Variants in ADAM32 observed in about 807,000 individuals in gnomAD.
ADAM32 encodes the protein disintegrin and metalloproteinase domain-containing protein 32.
ADAM32 carries 89 observed loss-of-function variants against 114.9 expected under a neutral mutation model. The observed-to-expected ratio is 0.77, with a 90% CI of 0.65 to 0.92. ADAM32 has a LOEUF of 0.92. Ranked by LOEUF, ADAM32 falls within the 40% of genes least tolerant of loss-of-function variation. The probability of loss-of-function intolerance (pLI) is 0.00; values close to 1 mark genes in which losing one functional copy is unlikely to be tolerated. For missense variants in ADAM32, 870 were observed against 932.8 expected (o/e 0.93, Z 0.88); for synonymous variants, 285 against 307.5 (o/e 0.93, Z 0.77).
intron 6 of ADAM32, among the ~76,000 whole-genome samples, chr8:39,156,531 C>A (rs1366493939): frequency 6.6e-6 from 1 of 152,124 alleles, no homozygotes; most frequent in Non-Finnish European, 1.5e-5. Context: ...GTTTTGTGTG[C>A]TTTCATTTTA....
chr8:39,137,545 C>A (rs1346131355), intron 3 of ADAM32, among the ~76,000 whole-genome samples: 3 of 151,990 alleles, frequency 2.0e-5, no homozygotes, highest in African/African-American at 7.2e-5. Flanking sequence ...GCAGGTGGAT[C>A]AAACTCCTGA....
At chr8:39,246,061 T>C in intron 16 of ADAM32, 22 bp from the exon 17 acceptor site, 1 of 1,606,212 alleles carries the variant, frequency 6.2e-7, no homozygotes, top group Non-Finnish European at 8.5e-7. Flanking sequence ...TGGGAACTTT[T>C]TTTGTATGTG....
At chr8:39,129,126 T>TTTTTTTTTTTTTTC (rs1802287840) in intron 2 of ADAM32, among the ~76,000 whole-genome samples, 1 of 6,842 alleles carries the variant, frequency 1.5e-4, no homozygotes. Context: ...TTTTTTTGTC[T>TTTTTTTTTTTTTTC]TTTTTTTTTT....
intron 22 of ADAM32, chr8:39,276,116 C>T (rs921561261): frequency 2.7e-5 from 10 of 376,216 alleles, no homozygotes; most frequent in Non-Finnish European, 4.3e-5. Context: ...CAAAGGAAAA[C>T]ATTTTTGGTG....
chr8:39,284,740 A>G, intron 24 of ADAM32, 53 bp from the exon 25 acceptor site: 2 of 1,605,892 alleles, frequency 1.2e-6, no homozygotes, highest in East Asian at 4.5e-5. Flanking sequence ...GTACAGTGGG[A>G]GGGAATTTGC....
At chr8:39,266,396 G>T (rs2129451121) in intron 19 of ADAM32, among the ~76,000 whole-genome samples, 1 of 152,232 alleles carries the variant, frequency 6.6e-6, no homozygotes, top group East Asian at 1.9e-4. Flanking sequence ...TGCCTGTGTT[G>T]TTTCAAAGAA....
chr8:39,248,676 T>A (rs188442455), intron 17 of ADAM32, among the ~76,000 whole-genome samples: 94 of 152,264 alleles, frequency 6.2e-4, no homozygotes, highest in East Asian at 3.5e-3. Context: ...ATACTTTTTT[T>A]ATTATTTTAT....
intron 9 of ADAM32, chr8:39,165,747 T>C (rs1345903438): frequency 6.6e-6 from 1 of 152,170 alleles, no homozygotes; most frequent in African/African-American, 2.4e-5. Flanking sequence ...CATGTCTATA[T>C]ATGTATTTAA....
At position 39,211,333 on chromosome 8, in the gene ADAM32, G is replaced by A. The variant is rs755093234; in HGVS notation, c.1233+9G>A. On this transcript the variant is annotated intron_variant, in intron 12 of 24. Transcript: ENST00000379907. The stretch of plus-strand genomic sequence containing the variant: ...ATTGTGGTACTGAGGCTGTAAGTAT[G>A]ATAACTAGGAAAATTGATTAATAAA... The A allele has an allele frequency of 2.0e-5, 29 of 1,462,764 alleles. No individual in the cohort carries two copies. In the South Asian group the frequency reaches 4.0e-4, roughly 20 times the overall value. 90.6% of individuals were successfully genotyped at this position (1,462,764 alleles called of 1,614,324 possible).
Position 39,161,615 on chromosome 8 carries a change from A to C in ADAM32, c.594+650A>C, listed in dbSNP as rs995068473. On this transcript the variant is annotated intron_variant, in intron 7 of 24. Transcript: ENST00000379907. ...AATAGAGATTAAAAATATACTTTCT[A>C]GGTTTTATTCTGATGATAAGCCTTT... 4.6e-5 allele frequency among the ~76,000 whole-genome samples: 7 copies of C among 152,328 alleles called. No individual in the cohort carries two copies. In the East Asian group the frequency reaches 1.3e-3, roughly 29 times the overall value.
chr8:39,247,984 G>C (rs1811038891), intron 17 of ADAM32, among the ~76,000 whole-genome samples: 1 of 151,928 alleles, frequency 6.6e-6, no homozygotes, highest in Non-Finnish European at 1.5e-5. Flanking sequence ...TCCTTTGTCA[G>C]AGATCAGTTG....
chr8:39,283,385 T>C (rs1813554517), intron 23 of ADAM32, among the ~76,000 whole-genome samples: 1 of 132,584 alleles, frequency 7.5e-6, no homozygotes, highest in Non-Finnish European at 1.5e-5. Context: ...CCCTCTAACC[T>C]GAGTGGCAAA....
At chr8:39,172,478 C>T (rs1805261039) in intron 10 of ADAM32, among the ~76,000 whole-genome samples, 1 of 152,124 alleles carries the variant, frequency 6.6e-6, no homozygotes, top group Non-Finnish European at 1.5e-5. Flanking sequence ...CTGGTGCTCT[C>T]CCTTCCCTGG....
At chr8:39,152,621 G>A (rs752422865) in intron 6 of ADAM32, among the ~76,000 whole-genome samples, 5 of 151,756 alleles carry the variant, frequency 3.3e-5, no homozygotes, top group South Asian at 2.1e-4. Flanking sequence ...ACTCGGGAGC[G>A]GAGGCTGAAG....
At chr8:39,165,365 T>C in intron 9 of ADAM32, 169 bp downstream of exon 9, 1 of 523,392 alleles carries the variant, frequency 1.9e-6, no homozygotes, top group Non-Finnish European at 3.2e-6. Context: ...AATAAAAAAC[T>C]TTACTAACAT....
chr8:39,118,298 G>T (rs981305583), intron 2 of ADAM32, 133 bp downstream of exon 2: 4 of 473,190 alleles, frequency 8.5e-6, no homozygotes, highest in African/African-American at 6.1e-5. Flanking sequence ...GGAATTAAAA[G>T]CTTTGATGGT....
At chr8:39,270,991 A>G (rs987850017) in intron 20 of ADAM32, 77 bp downstream of exon 20, 12 of 1,337,706 alleles carry the variant, frequency 9.0e-6, no homozygotes, top group African/African-American at 1.5e-5. Context: ...TTTATTTCCA[A>G]TTTTTTTTTG....
At chr8:39,258,011 A>AATACACGTGG (rs1359502987) in intron 19 of ADAM32, among the ~76,000 whole-genome samples, 1 of 152,048 alleles carries the variant, frequency 6.6e-6, no homozygotes, top group Non-Finnish European at 1.5e-5. Flanking sequence ...ACATGTTTTT[A>AATACACGTGG]ATACACGTGG....
At chr8:39,263,310 C>G (rs1351060299) in intron 19 of ADAM32, among the ~76,000 whole-genome samples, 4 of 152,116 alleles carry the variant, frequency 2.6e-5, no homozygotes, top group African/African-American at 9.7e-5. Context: ...TGTCTGCTAT[C>G]AGTCTAATCA....
Sources: allele counts gnomAD v4.1 joint callset (sites outside exome capture counted in the v4.1 genomes callset), GRCh38; gene constraint gnomAD v4.1.1; transcripts MANE v1.5; gene names NCBI Gene and HGNC (gene_info 2026-07-23, HGNC 2026-07-21).